Variants in USH1C observed in about 807,000 individuals in gnomAD.
USH1C encodes harmonin.
USH1C carries 90 observed loss-of-function variants against 119.3 expected under a neutral mutation model. The ratio of observed to expected loss-of-function variants is 0.75; its 90% confidence interval spans 0.64 to 0.90. The LOEUF is 0.90. Among genes scored for constraint, USH1C ranks in the 40% least tolerant of loss-of-function variants. The pLI is 0.00. For missense variants in USH1C, 1,165 were observed against 1,167.7 expected (o/e 1.00, Z 0.03); for synonymous variants, 465 against 443.3 (o/e 1.05, Z -0.62).
Position 17,524,526 on chromosome 11 carries a change from G to A in USH1C, c.684C>T (p.Ser228=), listed in dbSNP as rs149172005. 262 of 1,560,320 alleles carry A rather than the reference G, an allele frequency of 1.7e-4. No homozygotes were observed. Among genetic ancestry groups the A allele is most frequent in the Middle Eastern group, 8.3e-4 (5 of 6,002 alleles). Residue 228 remains serine, a synonymous_variant, in exon 9 of 27, where the codon AGC becomes AGT. Coordinates refer to ENST00000005226, the MANE Select transcript of USH1C (RefSeq NM_153676.4). ...GSRGLGCSIS[S]GPIQKPGIFI... ...AGATGCCAGGCTTCTGGATGGGGCC[G>A]CTGGAAATGCTGCGGGAGGTGGGAA...
intron 20 of USH1C, 176 bp from the exon 21 acceptor site, chr11:17,502,156 C>T (rs1290810615): frequency 1.7e-6 from 1 of 592,636 alleles, no homozygotes; most frequent in Non-Finnish European, 3.0e-6. Context: ...GCAGCCAGGG[C>T]ACCCCTGTTC....
At chr11:17,519,408 G>T (rs1850311432) in intron 14 of USH1C, among the ~76,000 whole-genome samples, 1 of 152,218 alleles carries the variant, frequency 6.6e-6, no homozygotes, top group South Asian at 2.1e-4. Context: ...TTTATTCAAA[G>T]AGCTTGATTT....
chr11:17,504,794 G>T, intron 19 of USH1C, 97 bp from the exon 20 acceptor site: 1 of 1,319,580 alleles, frequency 7.6e-7, no homozygotes, highest in Non-Finnish European at 1.1e-6. Context: ...GTCTGGGGCT[G>T]CCGTGCCAAT....
At chr11:17,524,354 G>C (rs1365784352) in intron 9 of USH1C, 97 bp downstream of exon 9, 57 of 1,305,990 alleles carry the variant, frequency 4.4e-5, no homozygotes, top group Non-Finnish European at 5.9e-5. Context: ...CACTGAAAGA[G>C]GGCCATGTGG....
chr11:17,532,025 G>T (rs909075514), intron 2 of USH1C, among the ~76,000 whole-genome samples: 2 of 152,136 alleles, frequency 1.3e-5, no homozygotes, highest in African/African-American at 4.8e-5. Context: ...TCAGTGTAAG[G>T]CACTCCCTGG....
At chr11:17,512,978 G>A (rs1849960186) in intron 15 of USH1C, among the ~76,000 whole-genome samples, 1 of 152,212 alleles carries the variant, frequency 6.6e-6, no homozygotes, top group Non-Finnish European at 1.5e-5. Context: ...AAGGCAGGAA[G>A]AGAATGATCA....
rs1320294264 is a variant in USH1C, at chr11:17,526,798, C to A, written c.534G>T (p.Glu178Asp). The A allele has an allele frequency of 6.2e-7, 1 of 1,614,052 alleles. No individual in the cohort carries two copies. ...GLIPVKSSPD[E>D]PLTWQYVDQF... is the part of the protein sequence containing the mutation. ...GATCCACATACTGCCAAGTGAGGGG[C>A]TCATCAGGAGAGCTGATGGGAAGGG... is the stretch of plus-strand genomic sequence containing the variant. Residue 178 changes from glutamate (E) to aspartate (D), a missense_variant, in exon 7 of 27, where the codon GAG (glutamate) becomes GAT (aspartate). Transcript: ENST00000005226.
At chr11:17,510,300 G>C in intron 17 of USH1C, 105 bp downstream of exon 17, 1 of 917,978 alleles carries the variant, frequency 1.1e-6, no homozygotes, top group Non-Finnish European at 1.8e-6. Flanking sequence ...TGGGCACTGT[G>C]AGGCTAGTGA....
intron 15 of USH1C, among the ~76,000 whole-genome samples, chr11:17,515,758 C>T (rs1396499894): frequency 6.6e-6 from 1 of 152,162 alleles, no homozygotes; most frequent in Non-Finnish European, 1.5e-5. Context: ...AGAGATATTC[C>T]TAGGAGAGGG....
chr11:17,498,459 A>G (rs1849321410), intron 23 of USH1C, among the ~76,000 whole-genome samples, 188 bp from the exon 24 acceptor site: 1 of 152,198 alleles, frequency 6.6e-6, no homozygotes, highest in African/African-American at 2.4e-5. Flanking sequence ...AAGGGCATTT[A>G]GTCCCTGTCC....
At chr11:17,509,125 C>T (rs1302115673) in intron 18 of USH1C, among the ~76,000 whole-genome samples, 1 of 152,202 alleles carries the variant, frequency 6.6e-6, no homozygotes, top group Non-Finnish European at 1.5e-5. Flanking sequence ...CCGTTGCTTA[C>T]CCCAAAGGTC....
chr11:17,521,235 AG>A (rs1296141060), intron 13 of USH1C, 110 bp downstream of exon 13: 4 of 1,209,590 alleles, frequency 3.3e-6, no homozygotes, highest in South Asian at 1.2e-5. Context: ...AGGACCCACC[AG>A]GGGATGAGAG....
intron 1 of USH1C, 49 bp from the exon 2 acceptor site, chr11:17,533,371 C>CCA (rs748567098): frequency 9.6e-5 from 128 of 1,340,292 alleles, no homozygotes; most frequent in African/African-American, 8.1e-4. Context: ...GCACCCGCCC[C>CCA]CATAGCAGAC....
chr11:17,516,840 G>A (rs1335399024), intron 14 of USH1C, among the ~76,000 whole-genome samples: 2 of 152,176 alleles, frequency 1.3e-5, no homozygotes, highest in African/African-American at 4.8e-5. Flanking sequence ...CTCTTGGAAG[G>A]ACAGCTCCAG....
chr11:17,516,160 T>C (rs1016355466), intron 15 of USH1C, 81 bp downstream of exon 15: 16 of 1,481,946 alleles, frequency 1.1e-5, no homozygotes, highest in African/African-American at 6.9e-5. Flanking sequence ...TTAGTGTTGA[T>C]AGGACAAGGA....
intron 15 of USH1C, 60 bp from the exon 16 acceptor site, chr11:17,512,114 A>T: frequency 1.3e-6 from 2 of 1,579,544 alleles, no homozygotes; most frequent in African/African-American, 1.3e-5. Context: ...ACAGCACAGC[A>T]CACGGGGCAT....
intron 7 of USH1C, 41 bp from the exon 8 acceptor site, chr11:17,526,482 G>A: frequency 5.1e-6 from 8 of 1,563,342 alleles, no homozygotes; most frequent in Non-Finnish European, 7.0e-6. Flanking sequence ...GTGTCCACAT[G>A]CGTGCAAGCG....
At chr11:17,526,051 G>A (rs1850653841) in intron 8 of USH1C, among the ~76,000 whole-genome samples, 1 of 152,088 alleles carries the variant, frequency 6.6e-6, no homozygotes, top group Non-Finnish European at 1.5e-5. Context: ...AAAATTAAAA[G>A]TTAGCTGGGT....
intron 1 of USH1C, among the ~76,000 whole-genome samples, chr11:17,539,680 T>A (rs752631629): frequency 6.6e-5 from 10 of 152,138 alleles, no homozygotes; most frequent in Admixed American, 3.9e-4. Context: ...AGAGTGTGCA[T>A]CCCAGTGGTA....
Sources: gnomAD v4.1 joint callset for allele counts (sites outside exome capture counted in the v4.1 genomes callset) on GRCh38, gnomAD v4.1.1 for gene constraint, MANE v1.5 for transcripts, NCBI Gene and HGNC (gene_info 2026-07-23, HGNC 2026-07-21) for gene names.